Variants in UBE2E3 observed in about 807,000 individuals in gnomAD.
UBE2E3 encodes ubiquitin conjugating enzyme E2 E3.
Under a neutral mutation model 23.6 loss-of-function variants are expected in UBE2E3, and 5 were observed. The observed-to-expected ratio is 0.21, with a 90% CI of 0.11 to 0.44. The LOEUF is 0.44. Among genes scored for constraint, UBE2E3 ranks in the 20% least tolerant of loss-of-function variants. The pLI is 0.99. For synonymous variants in UBE2E3, 78 were observed against 87.5 expected, an observed-to-expected ratio of 0.89 and a Z score of 0.60; for missense variants, 81 against 249.8, an observed-to-expected ratio of 0.32 and a Z score of 4.55.
At chr2:181,024,941 A>G (rs1685833010) in intron 3 of UBE2E3, among the ~76,000 whole-genome samples, 1 of 152,028 alleles carries the variant, frequency 6.6e-6, no homozygotes, top group Admixed American at 6.6e-5. Context: ...AGCTCTATTA[A>G]TAAAAGTAGA....
chr2:181,015,353 T>C (rs1445438625), intron 3 of UBE2E3, among the ~76,000 whole-genome samples: 1 of 152,190 alleles, frequency 6.6e-6, no homozygotes. Flanking sequence ...ATTGGTGACT[T>C]GCATTTTTTT....
intron 3 of UBE2E3, among the ~76,000 whole-genome samples, chr2:181,003,536 G>A (rs1453669411): frequency 6.6e-6 from 1 of 152,188 alleles, no homozygotes; most frequent in Non-Finnish European, 1.5e-5. Context: ...TATAAATTAA[G>A]ATGTAGTTAG....
intron 3 of UBE2E3, among the ~76,000 whole-genome samples, chr2:181,054,092 C>T (rs1686921272): frequency 6.6e-6 from 1 of 151,804 alleles, no homozygotes; most frequent in Non-Finnish European, 1.5e-5. Flanking sequence ...TATCCATTCA[C>T]CTACTGAAGT....
intron 3 of UBE2E3, among the ~76,000 whole-genome samples, chr2:181,047,238 C>G (rs1332758268): frequency 1.3e-5 from 2 of 152,084 alleles, no homozygotes; most frequent in African/African-American, 4.8e-5. Flanking sequence ...TGTTAAACAC[C>G]TGTTAGAGGT....
At chr2:181,001,985 G>A (rs555376197) in intron 3 of UBE2E3, among the ~76,000 whole-genome samples, 1 of 152,288 alleles carries the variant, frequency 6.6e-6, no homozygotes, top group East Asian at 1.9e-4. Flanking sequence ...CAAAGAAGTT[G>A]TAGTTTTCCA....
intron 3 of UBE2E3, among the ~76,000 whole-genome samples, chr2:181,006,531 A>G (rs1447881501): frequency 6.6e-6 from 1 of 151,960 alleles, no homozygotes; most frequent in African/African-American, 2.4e-5. Flanking sequence ...CCAAATGTAC[A>G]TGGAGCACAC....
At chr2:181,046,481 C>T (rs1686677641) in intron 3 of UBE2E3, among the ~76,000 whole-genome samples, 1 of 152,106 alleles carries the variant, frequency 6.6e-6, no homozygotes, top group African/African-American at 2.4e-5. Context: ...CATTTATCAA[C>T]TGTTAGTTGT....
At chr2:181,020,365 T>G (rs959367712) in intron 3 of UBE2E3, among the ~76,000 whole-genome samples, 2 of 152,146 alleles carry the variant, frequency 1.3e-5, no homozygotes, top group African/African-American at 4.8e-5. Flanking sequence ...CCATAAAGAT[T>G]AAGGGCCACC....
At chr2:181,057,928 G>T in intron 4 of UBE2E3, 103 bp downstream of exon 4, 1 of 1,217,756 alleles carries the variant, frequency 8.2e-7, no homozygotes, top group Non-Finnish European at 1.1e-6. Context: ...TGATTTCATT[G>T]CTTTTCATGG....
intron 3 of UBE2E3, chr2:180,990,135 G>A (rs1157784380): frequency 5.1e-6 from 4 of 785,696 alleles, no homozygotes; most frequent in Non-Finnish European, 7.5e-6. Flanking sequence ...TTTGATCAGT[G>A]GTTCTCAACT....
intron 3 of UBE2E3, among the ~76,000 whole-genome samples, chr2:181,056,437 A>T (rs762794537): frequency 2.0e-5 from 3 of 151,760 alleles, no homozygotes; most frequent in South Asian, 4.1e-4. Flanking sequence ...GGCTGCTTCA[A>T]CTCACAGTGG....
intron 3 of UBE2E3, among the ~76,000 whole-genome samples, chr2:181,036,468 C>T (rs1269436627): frequency 6.6e-6 from 1 of 152,218 alleles, no homozygotes; most frequent in Non-Finnish European, 1.5e-5. Flanking sequence ...GTGGAGTTTG[C>T]ATCTTCTCCC....
intron 3 of UBE2E3, among the ~76,000 whole-genome samples, chr2:180,998,022 G>A (rs1034333389): frequency 5.9e-5 from 9 of 151,710 alleles, no homozygotes; most frequent in Non-Finnish European, 1.2e-4. Flanking sequence ...TTTTCATCTC[G>A]GTAAAATGCC....
intron 3 of UBE2E3, among the ~76,000 whole-genome samples, chr2:181,046,334 T>C (rs1686672825): frequency 6.6e-6 from 1 of 152,158 alleles, no homozygotes; most frequent in African/African-American, 2.4e-5. Flanking sequence ...AAATACTTGC[T>C]AGCAGAAGAT....
chr2:181,014,584 CAA>C (rs1685431258), intron 3 of UBE2E3, among the ~76,000 whole-genome samples: 1 of 152,056 alleles, frequency 6.6e-6, no homozygotes, highest in African/African-American at 2.4e-5. Context: ...TGGAAGAAAA[CAA>C]AGAGGTTGTA....
chr2:180,997,308 G>T (rs1245980488), intron 3 of UBE2E3, among the ~76,000 whole-genome samples: 2 of 150,120 alleles, frequency 1.3e-5, no homozygotes, highest in Non-Finnish European at 1.5e-5. Flanking sequence ...TTGTTATCTG[G>T]CTTTTCCTCT....
intron 3 of UBE2E3, among the ~76,000 whole-genome samples, chr2:180,996,934 G>A (rs2105585057): frequency 1.3e-5 from 2 of 152,124 alleles, no homozygotes; most frequent in South Asian, 4.2e-4. Flanking sequence ...AACCCTCATA[G>A]TACATTTGAA....
intron 2 of UBE2E3, among the ~76,000 whole-genome samples, chr2:180,983,049 CA>C (rs1371801696): frequency 6.6e-6 from 1 of 152,106 alleles, no homozygotes; most frequent in African/African-American, 2.4e-5. Context: ...AGACTCTTAT[CA>C]GTGGTAGTAG....
chr2:181,025,908 G>C (rs1685868209), intron 3 of UBE2E3, among the ~76,000 whole-genome samples: 1 of 151,868 alleles, frequency 6.6e-6, no homozygotes, highest in Non-Finnish European at 1.5e-5. Flanking sequence ...TAAAGAGCAG[G>C]CAATGGATTT....
Sources: gnomAD v4.1 joint callset for allele counts (sites outside exome capture counted in the v4.1 genomes callset) on GRCh38, gnomAD v4.1.1 for gene constraint, MANE v1.5 for transcripts, NCBI Gene and HGNC (gene_info 2026-07-23, HGNC 2026-07-21) for gene names.